The following TMEFF2 variants were observed in gnomAD, a reference collection of about 807,000 sequenced individuals.
TMEFF2 encodes the protein tomoregulin-2.
In TMEFF2, 28 loss-of-function variants were observed where a neutral mutation model predicts 53.8. The observed-to-expected ratio is 0.52, with a 90% confidence interval of 0.39 to 0.71. TMEFF2 has a LOEUF of 0.71. TMEFF2 is among the 30% of genes least tolerant of loss of function. The probability of loss-of-function intolerance (pLI) is 0.00; values close to 1 mark genes in which losing one functional copy is unlikely to be tolerated. For missense variants in TMEFF2, 353 were observed against 455.2 expected, an observed-to-expected ratio of 0.78 and a Z score of 2.04; for synonymous variants, 162 against 166.3, an observed-to-expected ratio of 0.97 and a Z score of 0.20.
At chr2:192,055,729 C>T (rs969113428) in intron 5 of TMEFF2, among the ~76,000 whole-genome samples, 3 of 128,340 alleles carry the variant, frequency 2.3e-5, no homozygotes, top group Non-Finnish European at 3.1e-5. Flanking sequence ...GAGTTGAGAT[C>T]GTGCCACTGC....
chr2:191,959,409 CAA>C (rs1033890750), intron 7 of TMEFF2, among the ~76,000 whole-genome samples: 1 of 152,192 alleles, frequency 6.6e-6, no homozygotes, highest in Non-Finnish European at 1.5e-5. Flanking sequence ...ACACTTCAGT[CAA>C]GAGCTATTGA....
At chr2:192,150,697 T>TTTTC (rs1375464604) in intron 4 of TMEFF2, among the ~76,000 whole-genome samples, 9 of 148,278 alleles carry the variant, frequency 6.1e-5, no homozygotes, top group Non-Finnish European at 1.2e-4. Flanking sequence ...CACTTCATGT[T>TTTTC]TTTTTTTTTT....
intron 1 of TMEFF2, among the ~76,000 whole-genome samples, chr2:192,193,681 G>C (rs1268599738): frequency 6.6e-6 from 1 of 151,930 alleles, no homozygotes; most frequent in African/African-American, 2.4e-5. Context: ...AGCAAAGAGA[G>C]GGGCATATCT....
intron 4 of TMEFF2, among the ~76,000 whole-genome samples, chr2:192,080,690 C>T (rs1688531585): frequency 6.6e-6 from 1 of 152,114 alleles, no homozygotes; most frequent in South Asian, 2.1e-4. Context: ...CTCACAATTT[C>T]CTTGTTTGAC....
At chr2:192,005,051 C>A (rs574453879) in intron 5 of TMEFF2, among the ~76,000 whole-genome samples, 1 of 152,176 alleles carries the variant, frequency 6.6e-6, no homozygotes, top group South Asian at 2.1e-4. Flanking sequence ...CAGCCTTACT[C>A]GAAAATAATA....
chr2:191,955,548 T>TTTTTTTTTTTTTTTG (rs1559059111), intron 8 of TMEFF2, among the ~76,000 whole-genome samples: 2 of 145,270 alleles, frequency 1.4e-5, no homozygotes, highest in Non-Finnish European at 3.0e-5. Context: ...TTTTTTTTTT[T>TTTTTTTTTTTTTTTG]AGAGATAGGA....
chr2:192,131,869 C>T (rs1689841381), intron 4 of TMEFF2, among the ~76,000 whole-genome samples: 1 of 152,180 alleles, frequency 6.6e-6, no homozygotes, highest in Non-Finnish European at 1.5e-5. Context: ...ACGGCACTTT[C>T]AATTTTTCCA....
intron 2 of TMEFF2, among the ~76,000 whole-genome samples, chr2:192,187,183 C>A (rs1220889499): frequency 6.6e-6 from 1 of 152,178 alleles, no homozygotes; most frequent in Admixed American, 6.5e-5. Flanking sequence ...ATCTCTTTCA[C>A]TGTCTTGGTG....
At chr2:192,098,504 T>A (rs1688964973) in intron 4 of TMEFF2, among the ~76,000 whole-genome samples, 1 of 152,172 alleles carries the variant, frequency 6.6e-6, no homozygotes, top group Non-Finnish European at 1.5e-5. Context: ...CCAGTAGACG[T>A]TTCCTGATTT....
At chr2:191,963,587 G>T (rs954021303) in intron 7 of TMEFF2, among the ~76,000 whole-genome samples, 4 of 152,194 alleles carry the variant, frequency 2.6e-5, no homozygotes, top group Non-Finnish European at 5.9e-5. Context: ...GAGGATTGAG[G>T]CTAGAGCATT....
chr2:192,066,863 A>T (rs1688179420), intron 4 of TMEFF2, among the ~76,000 whole-genome samples: 1 of 151,938 alleles, frequency 6.6e-6, no homozygotes, highest in Admixed American at 6.6e-5. Flanking sequence ...ATAATTAAAT[A>T]TAGCTTTGTT....
chr2:192,133,284 T>C (rs976847919), intron 4 of TMEFF2, among the ~76,000 whole-genome samples: 2 of 152,068 alleles, frequency 1.3e-5, no homozygotes, highest in African/African-American at 4.8e-5. Flanking sequence ...CGTCCTCCTC[T>C]TGTATCCCCC....
intron 7 of TMEFF2, among the ~76,000 whole-genome samples, chr2:191,990,610 G>T (rs2105825822): frequency 6.6e-6 from 1 of 152,170 alleles, no homozygotes; most frequent in South Asian, 2.1e-4. Context: ...GAGGTAAAAA[G>T]ATAAATTAAG....
At chr2:192,058,058 TA>T (rs1489202313) in intron 4 of TMEFF2, among the ~76,000 whole-genome samples, 1 of 152,226 alleles carries the variant, frequency 6.6e-6, no homozygotes, top group Admixed American at 6.5e-5. Flanking sequence ...ATTTGCCTAA[TA>T]GACCATATGA....
chr2:192,192,940 A>G (rs2106052953), intron 1 of TMEFF2, among the ~76,000 whole-genome samples: 1 of 152,346 alleles, frequency 6.6e-6, no homozygotes, highest in Admixed American at 6.5e-5. Context: ...TTAAAATGCC[A>G]AATTTAGAAA....
At chr2:192,142,753 A>T (rs562335519) in intron 4 of TMEFF2, among the ~76,000 whole-genome samples, 1 of 152,272 alleles carries the variant, frequency 6.6e-6, no homozygotes, top group African/African-American at 2.4e-5. Flanking sequence ...ATCATTTATT[A>T]AAAGCTACCA....
intron 4 of TMEFF2, among the ~76,000 whole-genome samples, chr2:192,149,309 G>C (rs1690328389): frequency 6.6e-6 from 1 of 151,840 alleles, no homozygotes; most frequent in African/African-American, 2.4e-5. Flanking sequence ...TATTTCATTT[G>C]CACAAAAAGC....
In TMEFF2 at chr2:192,055,495, C is replaced by CT. The variant is rs560100145; in HGVS notation, c.536+2183dup. 2.8e-3 allele frequency among the ~76,000 whole-genome samples: 430 copies of CT among 152,232 alleles called. 4 individuals are homozygous for CT. Among genetic ancestry groups the CT allele is most frequent in the African/African-American group, 1.0e-2 (414 of 41,552 alleles). On this transcript the variant is annotated intron_variant, in intron 5 of 9. Transcript: ENST00000272771. ...TTTTTAAAAACCATACATTTGTTGGCTGGGCGTGGTAGCTCACACCTGTAA... is the reference window on the plus strand; with the variant it reads ...TTTTTAAAAACCATACATTTGTTGGCTTGGGCGTGGTAGCTCACACCTGTAA...
At chr2:192,163,312 A>C (rs1690679440) in intron 4 of TMEFF2, among the ~76,000 whole-genome samples, 1 of 152,240 alleles carries the variant, frequency 6.6e-6, no homozygotes, top group Non-Finnish European at 1.5e-5. Context: ...AAGCTGTTAC[A>C]GAAAAAATAT....
Sources: gnomAD v4.1 joint callset for allele counts (sites outside exome capture counted in the v4.1 genomes callset) on GRCh38, gnomAD v4.1.1 for gene constraint, MANE v1.5 for transcripts, NCBI Gene and HGNC (gene_info 2026-07-23, HGNC 2026-07-21) for gene names.